Variants in POM121C observed in about 807,000 individuals in gnomAD.
POM121C encodes the protein POM121 transmembrane nucleoporin C.
Under a neutral mutation model 66.4 loss-of-function variants are expected in POM121C, and 20 were observed. That is an observed-to-expected ratio of 0.30 (90% confidence interval 0.21 to 0.44). The LOEUF is 0.44. Among genes scored for constraint, POM121C ranks in the 20% least tolerant of loss-of-function variants. The probability of loss-of-function intolerance (pLI) is 1.00; values close to 1 mark genes in which losing one functional copy is unlikely to be tolerated. For missense variants in POM121C, 580 were observed against 1,225.7 expected, an observed-to-expected ratio of 0.47 and a Z score of 7.87; for synonymous variants, 286 against 528.0, an observed-to-expected ratio of 0.54 and a Z score of 6.28.
chr7:75,438,323 T>C (rs781896714), intron 6 of POM121C, among the ~76,000 whole-genome samples: 1 of 150,970 alleles, frequency 6.6e-6, no homozygotes, highest in Non-Finnish European at 1.5e-5. Context: ...CCACGGATCC[T>C]ATTTGAAGTC....
rs1426282689 is a variant in POM121C, at chr7:75,437,738, C to T, written c.309-52G>A. The T allele has an allele frequency of 3.8e-5, 58 of 1,518,984 alleles. No individual in the cohort carries two copies. In the Admixed American group the frequency reaches 4.1e-4, roughly 11 times the overall value. 94.1% of individuals were successfully genotyped at this position (1,518,984 alleles called of 1,614,324 possible). A position where few individuals can be genotyped will look rare whatever the true frequency, so the allele number is the denominator to read the frequency against. Reference sequence around the variant, plus strand: ...CTTTATTGAAGGCAACATTCTTTTACGATTTCATCCACGGTCATGACATCT... The same window carrying T: ...CTTTATTGAAGGCAACATTCTTTTATGATTTCATCCACGGTCATGACATCT... On this transcript the variant is annotated intron_variant, in intron 6 of 14. Transcript: ENST00000615331.
At chr7:75,441,815 G>C (rs1320460174) in intron 3 of POM121C, among the ~76,000 whole-genome samples, 168 bp from the exon 4 acceptor site, 1 of 151,966 alleles carries the variant, frequency 6.6e-6, no homozygotes, top group Non-Finnish European at 1.5e-5. Flanking sequence ...CCATCTAAGA[G>C]CAGAGAGTGA....
At position 75,481,511 on chromosome 7, in the gene POM121C, CAAAT is replaced by C. The variant is rs1327298811; in HGVS notation, c.-458+4349_-458+4352del. Among the ~76,000 whole-genome samples the C allele has an allele frequency of 3.9e-5, 6 of 152,088 alleles. No homozygotes were observed. In the East Asian group the frequency reaches 1.2e-3, roughly 29 times the overall value. On this transcript the variant is annotated intron_variant, in intron 1 of 14. Coordinates refer to ENST00000615331, the MANE Select transcript of POM121C (RefSeq NM_001099415.3). ...GTCTTTCCTGCATGAATTACATAAA[CAAAT>C]AGAGAATAGAAATTTATCTTTAGAA...
Position 75,479,949 on chromosome 7 carries a change from A to G in POM121C, c.-457-4761T>C, listed in dbSNP as rs587731800. Among the ~76,000 whole-genome samples the G allele has an allele frequency of 2.9e-4, 44 of 151,884 alleles. No homozygotes were observed. The South Asian group carries it at 8.9e-3, about 31-fold the overall frequency. Reference sequence around the variant, plus strand: ...CTAATCAAAAGGAAGGAAGACAAACAGAGACATTTTAAAAAGAAACAAAGA... The same window carrying G: ...CTAATCAAAAGGAAGGAAGACAAACGGAGACATTTTAAAAAGAAACAAAGA... On this transcript the variant is annotated intron_variant, in intron 1 of 14. Coordinates refer to ENST00000615331, the MANE Select transcript of POM121C (RefSeq NM_001099415.3).
chr7:75,461,668 C>T (rs1554477028), intron 3 of POM121C, among the ~76,000 whole-genome samples: 2 of 152,006 alleles, frequency 1.3e-5, no homozygotes, highest in African/African-American at 4.8e-5. Flanking sequence ...GCCTCGGCCT[C>T]CCAAAGTGAT....
At chr7:75,455,092 A>C (rs1791158168) in intron 3 of POM121C, among the ~76,000 whole-genome samples, 1 of 152,198 alleles carries the variant, frequency 6.6e-6, no homozygotes, top group African/African-American at 2.4e-5. Context: ...ATGAAATTAG[A>C]GTTAAGTAGG....
chr7:75,465,473 G>A (rs1166334294), intron 3 of POM121C, among the ~76,000 whole-genome samples: 2 of 151,432 alleles, frequency 1.3e-5, no homozygotes, highest in Admixed American at 1.3e-4. Context: ...GCCTGAGTCC[G>A]GCCTGGCACA....
At chr7:75,419,036 A>ACCT in intron 14 of POM121C, 143 bp from the exon 15 acceptor site, 2 of 1,447,852 alleles carry the variant, frequency 1.4e-6, no homozygotes, top group South Asian at 3.0e-5. Context: ...GAAACACTGT[A>ACCT]CGGGAGGAGC....
At chr7:75,438,580 G>A (rs117282715) in intron 6 of POM121C, among the ~76,000 whole-genome samples, 9 of 152,116 alleles carry the variant, frequency 5.9e-5, no homozygotes, top group African/African-American at 2.4e-5. Context: ...AGTGCAGTAC[G>A]CTGATCTGAC....
At chr7:75,479,617 AAATAAATAAATAAAT>A (rs1792234023) in intron 1 of POM121C, among the ~76,000 whole-genome samples, 3 of 36,412 alleles carry the variant, frequency 8.2e-5, no homozygotes, top group African/African-American at 1.9e-4. Context: ...CTCTGTCTCT[AAATAAATAAATAAAT>A]AAATAAATAA....
rs1205147511 is a variant in POM121C, at chr7:75,485,844, C to A, written c.-458+20G>T. On this transcript the variant is annotated intron_variant, in intron 1 of 14. Transcript: ENST00000615331. Reference sequence around the variant, plus strand: ...TCACCCAGGCCCTTCTCGCTCCGGGCCCAAAAACCCAAGACTTACCCTCCT... The same window carrying A: ...TCACCCAGGCCCTTCTCGCTCCGGGACCAAAAACCCAAGACTTACCCTCCT... 11 of 504,396 alleles carry A rather than the reference C, an allele frequency of 2.2e-5. No individual in the cohort carries two copies. Among genetic ancestry groups the A allele is most frequent in the African/African-American group, 1.9e-4 (10 of 51,692 alleles). The allele number at this position is 504,396 out of a possible 1,614,324, so 31.2% of individuals were successfully genotyped here.
intron 3 of POM121C, chr7:75,442,605 G>C: frequency 6.7e-7 from 1 of 1,490,928 alleles, no homozygotes; most frequent in Non-Finnish European, 8.9e-7. Context: ...ACCAGCGACA[G>C]GCCGAGAAGC....
At chr7:75,460,330 A>C (rs1163158527) in intron 3 of POM121C, among the ~76,000 whole-genome samples, 1 of 151,234 alleles carries the variant, frequency 6.6e-6, no homozygotes, top group Non-Finnish European at 1.5e-5. Flanking sequence ...CCATCTCCAC[A>C]AAAAGAATAA....
chr7:75,449,366 C>CTTT (rs782264870), intron 3 of POM121C, among the ~76,000 whole-genome samples: 11 of 135,536 alleles, frequency 8.1e-5, no homozygotes, highest in Non-Finnish European at 1.3e-4. Flanking sequence ...TGTTCTCTCT[C>CTTT]TTTTTTTTTT....
chr7:75,443,379 G>A (rs1173500967), intron 3 of POM121C, among the ~76,000 whole-genome samples: 5 of 152,180 alleles, frequency 3.3e-5, no homozygotes, highest in African/African-American at 1.2e-4. Flanking sequence ...ATTAGATTGT[G>A]TTGGCGGTTG....
At chr7:75,484,353 C>T in intron 1 of POM121C, 2 of 700,838 alleles carry the variant, frequency 2.9e-6, no homozygotes, top group African/African-American at 1.8e-5. Flanking sequence ...GCTCAATAGG[C>T]TAACACCCTG....
rs1488133845 is a variant in POM121C at position 75,419,192 on chromosome 7, C to T, written c.2866+128G>A. Reference sequence around the variant, plus strand: ...TCCCATCCCTGGGCTGTGCTGTACTCCTAACCCGAAATGTCTTTCCTGTGC... The same window carrying T: ...TCCCATCCCTGGGCTGTGCTGTACTTCTAACCCGAAATGTCTTTCCTGTGC... On this transcript the variant is annotated intron_variant, in intron 14 of 14. Transcript: ENST00000615331. 6.3e-6 allele frequency: 9 copies of T among 1,422,326 alleles called. No homozygotes were observed. In the African/African-American group the frequency reaches 8.7e-5, roughly 14 times the overall value. 88.1% of individuals were successfully genotyped at this position (1,422,326 alleles called of 1,614,324 possible). A position where few individuals can be genotyped will look rare whatever the true frequency, so the allele number is the denominator to read the frequency against.
intron 3 of POM121C, among the ~76,000 whole-genome samples, chr7:75,467,304 G>A (rs1358443329): frequency 1.3e-5 from 2 of 152,070 alleles, no homozygotes; most frequent in East Asian, 3.9e-4. Flanking sequence ...GGCTGAGGTG[G>A]GTGGATCACG....
chr7:75,431,074 CAAAAAAAAA>C (rs34253601), intron 7 of POM121C, among the ~76,000 whole-genome samples: 2 of 59,716 alleles, frequency 3.3e-5, no homozygotes, highest in Admixed American at 2.7e-4. Flanking sequence ...GACTCTGTCT[CAAAAAAAAA>C]AAAAAAAAAA....
Sources: gnomAD v4.1 joint callset for allele counts (sites outside exome capture counted in the v4.1 genomes callset) on GRCh38, gnomAD v4.1.1 for gene constraint, MANE v1.5 for transcripts, NCBI Gene and HGNC (gene_info 2026-07-23, HGNC 2026-07-21) for gene names.